The following DIXDC1 variants were observed in gnomAD, a reference collection of about 807,000 sequenced individuals.
DIXDC1 encodes DIX domain containing 1, also known as dixin.
In DIXDC1, 64 loss-of-function variants were observed where a neutral mutation model predicts 103.1. That is an observed-to-expected ratio of 0.62 (90% confidence interval 0.51 to 0.76). The LOEUF (loss-of-function observed/expected upper bound fraction) is 0.76. DIXDC1 is among the 30% of genes least tolerant of loss of function. The pLI, the probability that DIXDC1 is intolerant of heterozygous loss-of-function variation, is 0.00. For synonymous variants in DIXDC1, 266 were observed against 298.5 expected (o/e 0.89, Z 1.12); for missense variants, 759 against 834.2 (o/e 0.91, Z 1.11).
At chr11:111,969,435 G>A (rs916304341) in intron 3 of DIXDC1, among the ~76,000 whole-genome samples, 2 of 152,066 alleles carry the variant, frequency 1.3e-5, no homozygotes, top group Non-Finnish European at 2.9e-5. Context: ...TTTTAGAAGG[G>A]AAATATTTTA....
chr11:111,974,298 A>G, intron 4 of DIXDC1, 44 bp downstream of exon 4: 1 of 1,549,660 alleles, frequency 6.5e-7, no homozygotes, highest in Non-Finnish European at 8.8e-7. Context: ...CCTCTCTCTG[A>G]TACTTCTTCT....
At chr11:111,932,672 G>T (rs1555167791), upstream of DIXDC1, among the ~76,000 whole-genome samples, 2 of 151,796 alleles carry the variant, frequency 1.3e-5, no homozygotes, top group South Asian at 2.1e-4. Context: ...AGCATCTGGT[G>T]ATTACTTTGG....
In DIXDC1 at chr11:112,016,801, G is replaced by A. The variant is rs1433597843; in HGVS notation, c.1862+5G>A. ...CATGGTCAATATACCAAAGAGGTGAGATTCTGGGATCATTGTATTTCACTG... is the reference window on the plus strand; with the variant it reads ...CATGGTCAATATACCAAAGAGGTGAAATTCTGGGATCATTGTATTTCACTG... On this transcript the variant is annotated splice_donor_5th_base_variant and intron_variant, in intron 18 of 19. Coordinates refer to ENST00000440460, the MANE Select transcript of DIXDC1 (RefSeq NM_001037954.4). 1.3e-6 allele frequency: 2 copies of A among 1,595,754 alleles called. No homozygotes were observed. The highest frequency in any genetic ancestry group is 2.7e-5 in the African/African-American group (2 of 74,556).
upstream of DIXDC1, among the ~76,000 whole-genome samples, chr11:111,932,819 A>G (rs587759135): frequency 6.6e-6 from 1 of 152,134 alleles, no homozygotes; most frequent in South Asian, 2.1e-4. Context: ...TCCTTTTACT[A>G]TTCTTCCCTC....
At chr11:111,939,852 A>C (rs1395399393) in intron 1 of DIXDC1, among the ~76,000 whole-genome samples, 9 of 152,210 alleles carry the variant, frequency 5.9e-5, no homozygotes, top group Admixed American at 2.0e-4. Flanking sequence ...CCTTGAGATA[A>C]GGATGTAAAC....
At chr11:111,952,278 T>A (rs1401859282) in intron 1 of DIXDC1, among the ~76,000 whole-genome samples, 3 of 152,238 alleles carry the variant, frequency 2.0e-5, no homozygotes, top group Non-Finnish European at 4.4e-5. Flanking sequence ...GTCAATTTTC[T>A]CTAAATTAAT....
At chr11:112,007,936 A>G (rs1474601328) in intron 17 of DIXDC1, among the ~76,000 whole-genome samples, 1 of 152,184 alleles carries the variant, frequency 6.6e-6, no homozygotes, top group Non-Finnish European at 1.5e-5. Context: ...TCATAATGAC[A>G]GGATCAAATT....
intron 19 of DIXDC1, among the ~76,000 whole-genome samples, chr11:112,018,661 A>G (rs981304132): frequency 9.8e-5 from 15 of 152,324 alleles, no homozygotes; most frequent in African/African-American, 3.4e-4. Context: ...TAAAATACTT[A>G]ACACTACATC....
Position 111,988,997 on chromosome 11 carries a change from G to T in DIXDC1, c.1063-8G>T. 1 of 1,609,900 alleles carries T rather than the reference G, an allele frequency of 6.2e-7. No homozygotes were observed. Reference sequence around the variant, plus strand: ...TCACCATCTGATCTAACTATATTTGGTTTGCAGAAGGAACTGCTGAAATGT... The same window carrying T: ...TCACCATCTGATCTAACTATATTTGTTTTGCAGAAGGAACTGCTGAAATGT... On this transcript the variant is annotated splice_polypyrimidine_tract_variant and splice_region_variant and intron_variant, in intron 9 of 19. Transcript: ENST00000440460.
chr11:112,006,467 G>A (rs782587717), intron 17 of DIXDC1, among the ~76,000 whole-genome samples: 3 of 152,202 alleles, frequency 2.0e-5, no homozygotes, highest in Non-Finnish European at 4.4e-5. Flanking sequence ...CTCTGAGAAC[G>A]GACAGACTGC....
chr11:111,991,224 G>A (rs1275451137), intron 10 of DIXDC1, among the ~76,000 whole-genome samples: 1 of 152,218 alleles, frequency 6.6e-6, no homozygotes, highest in East Asian at 1.9e-4. Flanking sequence ...ATAAGTTTGA[G>A]AAATGCTCTG....
intron 16 of DIXDC1, 93 bp from the exon 17 acceptor site, chr11:111,995,987 A>T (rs1860886602): frequency 9.5e-7 from 1 of 1,058,048 alleles, no homozygotes; most frequent in Non-Finnish European, 1.4e-6. Context: ...GTAGAAAAGT[A>T]TGTAGTATTT....
At chr11:111,961,113 G>A (rs1555171048) in intron 1 of DIXDC1, among the ~76,000 whole-genome samples, 1 of 152,252 alleles carries the variant, frequency 6.6e-6, no homozygotes, top group Non-Finnish European at 1.5e-5. Flanking sequence ...GTAGGCTGGG[G>A]AGGAGCCCAG....
At chr11:112,005,976 A>T (rs1450182861) in intron 17 of DIXDC1, among the ~76,000 whole-genome samples, 1 of 152,202 alleles carries the variant, frequency 6.6e-6, no homozygotes. Context: ...AAAGCAGGGC[A>T]GGGCGTCGCC....
chr11:112,005,218 T>C (rs1257117257), intron 17 of DIXDC1, among the ~76,000 whole-genome samples: 2 of 151,982 alleles, frequency 1.3e-5, no homozygotes, highest in South Asian at 2.1e-4. Flanking sequence ...AGTAAAAAGA[T>C]GGATAAAGAT....
intron 8 of DIXDC1, 51 bp from the exon 9 acceptor site, chr11:111,986,820 C>G (rs1748612472): frequency 6.6e-7 from 1 of 1,511,632 alleles, no homozygotes; most frequent in Non-Finnish European, 9.0e-7. Context: ...ATGAGTGGCT[C>G]TGTACTTCAC....
intron 1 of DIXDC1, among the ~76,000 whole-genome samples, chr11:111,938,922 C>T (rs587599900): frequency 2.6e-5 from 4 of 152,360 alleles, no homozygotes; most frequent in South Asian, 4.1e-4. Flanking sequence ...TCTGAACACA[C>T]GTAAGGGGAT....
chr11:111,929,747 G>T lies in DIXDC1; in HGVS notation c.-36-71G>T. 1.0e-5 allele frequency: 10 copies of T among 984,358 alleles called. No individual in the cohort carries two copies. The South Asian group carries it at 1.6e-4, about 15-fold the overall frequency. The allele number at this position is 984,358 out of a possible 1,614,324, so 61.0% of individuals were successfully genotyped here. On this transcript the variant is annotated intron_variant, in intron 1 of 5. Coordinates refer to the DIXDC1 transcript ENST00000529225. Reference sequence around the variant, plus strand: ...TTGGGGAGGGGTCTGGCCCCAACTCGGTTAGTTGAGCTTTAAATTTTTTTT... The same window carrying T: ...TTGGGGAGGGGTCTGGCCCCAACTCTGTTAGTTGAGCTTTAAATTTTTTTT...
chr11:111,979,774 C>T (rs980292781), intron 5 of DIXDC1, among the ~76,000 whole-genome samples: 15 of 152,022 alleles, frequency 9.9e-5, no homozygotes, highest in African/African-American at 3.4e-4. Context: ...CTGGGTAACA[C>T]GGGGAGAACT....
Sources: allele counts gnomAD v4.1 joint callset (sites outside exome capture counted in the v4.1 genomes callset), GRCh38; gene constraint gnomAD v4.1.1; transcripts MANE v1.5; gene names NCBI Gene and HGNC (gene_info 2026-07-23, HGNC 2026-07-21).